Variants in PLXNA4 observed in about 807,000 individuals in gnomAD.
PLXNA4 encodes the protein plexin A4, also known as plexin-A4.
In PLXNA4, 44 loss-of-function variants were observed where a neutral mutation model predicts 191.8. The observed-to-expected ratio is 0.23, with a 90% CI of 0.18 to 0.29. PLXNA4 has a LOEUF of 0.29. PLXNA4 is among the 10% of genes least tolerant of loss of function. The pLI is 1.00. For synonymous variants in PLXNA4, 1,082 were observed against 1,009.5 expected (o/e 1.07, Z -1.36); for missense variants, 1,800 against 2,488.8 (o/e 0.72, Z 5.89).
At chr7:132,234,785 T>G (rs1473980191) in intron 5 of PLXNA4, among the ~76,000 whole-genome samples, 4 of 152,136 alleles carry the variant, frequency 2.6e-5, no homozygotes, top group Admixed American at 6.5e-5. Flanking sequence ...CAGAGGCTGA[T>G]AGCTTTTTGG....
At chr7:132,143,757 T>C (rs1170420841) in intron 29 of PLXNA4, among the ~76,000 whole-genome samples, 4 of 152,068 alleles carry the variant, frequency 2.6e-5, no homozygotes, top group Non-Finnish European at 5.9e-5. Context: ...AAGGAGGAAA[T>C]CGCATCACAA....
chr7:132,150,316 T>C (rs577304064), intron 25 of PLXNA4, among the ~76,000 whole-genome samples: 37 of 152,372 alleles, frequency 2.4e-4, no homozygotes, highest in African/African-American at 8.9e-4. Flanking sequence ...GAGGTATGCA[T>C]GCATGCACTT....
At chr7:132,596,369 A>G (rs1242648907) in intron 2 of PLXNA4, among the ~76,000 whole-genome samples, 3 of 152,170 alleles carry the variant, frequency 2.0e-5, no homozygotes, top group Non-Finnish European at 4.4e-5. Context: ...AGTGAGGTCC[A>G]CACCAGCACC....
chr7:132,638,837 A>C (rs112267465), intron 2 of PLXNA4, among the ~76,000 whole-genome samples: 118 of 152,274 alleles, frequency 7.7e-4, no homozygotes, highest in African/African-American at 2.6e-3. Flanking sequence ...GTGTCTAGCC[A>C]GAATGTCTTA....
At position 132,576,329 on chromosome 7, in the gene PLXNA4, G is replaced by T; in HGVS notation, c.-87+93C>A. On this transcript the variant is annotated intron_variant, in intron 1 of 31. Coordinates refer to ENST00000321063, the MANE Select transcript of PLXNA4 (RefSeq NM_020911.2). This position sits in a 1 kb window ranked among gnomAD's most constrained non-coding sequence, Gnocchi z 5.8. Reference sequence around the variant, plus strand: ...TGCGTGTGCCGCGGGCTGGCTCCGGGACACTGAGGACTCCCGGGTCGGCCC... The same window carrying T: ...TGCGTGTGCCGCGGGCTGGCTCCGGTACACTGAGGACTCCCGGGTCGGCCC... The T allele has an allele frequency of 1.1e-6, 1 of 922,150 alleles. No homozygotes were observed. The highest frequency in any genetic ancestry group is 1.3e-6 in the Non-Finnish European group (1 of 772,266). 57.1% of individuals were successfully genotyped at this position (922,150 alleles called of 1,614,324 possible).
At chr7:132,576,664 A>G (rs1247957476), upstream of PLXNA4, 1 of 922,154 alleles carries the variant, frequency 1.1e-6, no homozygotes, top group Non-Finnish European at 1.3e-6. This position sits in a 1 kb window ranked among gnomAD's most constrained non-coding sequence, Gnocchi z 5.8. Context: ...TGCGGCGTCC[A>G]AGGTGGGCGT....
chr7:132,595,205 C>A (rs919506477), intron 2 of PLXNA4, among the ~76,000 whole-genome samples: 2 of 152,058 alleles, frequency 1.3e-5, no homozygotes, highest in Non-Finnish European at 2.9e-5. Context: ...CTCCAGCACC[C>A]AGCAGTGATG....
intron 1 of PLXNA4, among the ~76,000 whole-genome samples, chr7:132,574,096 G>A (rs1051993056): frequency 2.0e-5 from 3 of 152,216 alleles, no homozygotes; most frequent in Admixed American, 6.5e-5. Flanking sequence ...CTAATGCTAA[G>A]TGCAGAAAGT....
chr7:132,561,573 CCCT>C (rs1281576598), intron 1 of PLXNA4, among the ~76,000 whole-genome samples: 8 of 80,994 alleles, frequency 9.9e-5, no homozygotes, highest in African/African-American at 3.7e-4. Flanking sequence ...TCCTCCTTTC[CCCT>C]CCTCCTCTTC....
chr7:132,390,579 TAAC>T (rs1805364862), intron 3 of PLXNA4, among the ~76,000 whole-genome samples: 1 of 151,864 alleles, frequency 6.6e-6, no homozygotes, highest in Non-Finnish European at 1.5e-5. Flanking sequence ...TAAAAAATAA[TAAC>T]AATAAAAAAG....
chr7:132,261,274 G>A (rs1052209920), intron 4 of PLXNA4, among the ~76,000 whole-genome samples: 2 of 152,160 alleles, frequency 1.3e-5, no homozygotes, highest in Admixed American at 6.5e-5. Flanking sequence ...AGAGTCCTGC[G>A]GCTGCGATGC....
rs781250993 is a variant in PLXNA4, at chr7:132,507,683, G to A, written c.1011C>T (p.Thr337=). The A allele has an allele frequency of 4.6e-5, 74 of 1,614,194 alleles. No homozygotes were observed. The highest frequency in any genetic ancestry group is 5.9e-5 in the Non-Finnish European group (70 of 1,180,042). Residue 337 remains threonine (T), a synonymous_variant, in exon 2 of 32, where the codon ACC becomes ACT. Coordinates refer to ENST00000321063, the MANE Select transcript of PLXNA4 (RefSeq NM_020911.2). ...GVHPDDDLLF[T]VFSKGQKRKM... Reference sequence around the variant, plus strand: ...TCCGCTTCTGGCCCTTGGAGAAGACGGTGAAGAGCAGGTCATCATCTGGAT... The same window carrying A: ...TCCGCTTCTGGCCCTTGGAGAAGACAGTGAAGAGCAGGTCATCATCTGGAT...
intron 4 of PLXNA4, among the ~76,000 whole-genome samples, chr7:132,287,507 C>A (rs1800725296): frequency 6.6e-6 from 1 of 152,120 alleles, no homozygotes; most frequent in Non-Finnish European, 1.5e-5. Context: ...CTCCAGGTGG[C>A]ACAGCTGGTG....
At chr7:132,638,867 C>T (rs2116888377) in intron 2 of PLXNA4, among the ~76,000 whole-genome samples, 1 of 152,238 alleles carries the variant, frequency 6.6e-6, no homozygotes, top group South Asian at 2.1e-4. Flanking sequence ...GACAAATGCT[C>T]ACTGACATTC....
intron 5 of PLXNA4, among the ~76,000 whole-genome samples, chr7:132,239,078 G>C (rs1439733466): frequency 6.6e-6 from 1 of 152,232 alleles, no homozygotes; most frequent in African/African-American, 2.4e-5. Flanking sequence ...GCCATGCTGA[G>C]ACTGGAGCAG....
intron 2 of PLXNA4, among the ~76,000 whole-genome samples, chr7:132,498,297 A>T (rs1027549899): frequency 6.6e-6 from 1 of 152,224 alleles, no homozygotes. Flanking sequence ...GCTGATAAAG[A>T]CATACTGGAG....
chr7:132,625,263 C>T (rs1457909127), intron 2 of PLXNA4, among the ~76,000 whole-genome samples: 1 of 152,160 alleles, frequency 6.6e-6, no homozygotes, highest in Non-Finnish European at 1.5e-5. Flanking sequence ...ATGAAAGCCC[C>T]TCCAGCCCAG....
chr7:132,291,359 A>G (rs1174909184), intron 4 of PLXNA4, among the ~76,000 whole-genome samples: 1 of 152,056 alleles, frequency 6.6e-6, no homozygotes, highest in African/African-American at 2.4e-5. Flanking sequence ...AGTCGGTTTA[A>G]TTTTTCACTC....
intron 3 of PLXNA4, among the ~76,000 whole-genome samples, chr7:132,487,517 G>T (rs900548185): frequency 6.6e-6 from 1 of 152,100 alleles, no homozygotes; most frequent in East Asian, 1.9e-4. Context: ...CTGAAGAATC[G>T]AGCCATCTGA....
Sources: gnomAD v4.1 joint callset for allele counts (sites outside exome capture counted in the v4.1 genomes callset) on GRCh38, gnomAD v4.1.1 for gene constraint, Gnocchi (gnomAD v3.1) non-coding constraint, MANE v1.5 for transcripts, NCBI Gene and HGNC (gene_info 2026-07-23, HGNC 2026-07-21) for gene names.